The following GPATCH2 variants were observed in gnomAD, a reference collection of about 807,000 sequenced individuals.
GPATCH2 encodes G patch domain-containing protein 2.
Under a neutral mutation model 58.0 loss-of-function variants are expected in GPATCH2, and 51 were observed. The observed-to-expected ratio is 0.88, with a 90% CI of 0.70 to 1.11. GPATCH2 has a LOEUF of 1.11. Among genes scored for constraint, GPATCH2 ranks in the 50% most tolerant of loss-of-function variants. The pLI is 0.00. For synonymous variants in GPATCH2, 222 were observed against 218.5 expected (o/e 1.02, Z -0.14); for missense variants, 625 against 652.2 (o/e 0.96, Z 0.45).
At chr1:217,575,941 A>G (rs186554993) in intron 5 of GPATCH2, among the ~76,000 whole-genome samples, 46 of 152,268 alleles carry the variant, frequency 3.0e-4, no homozygotes, top group Admixed American at 2.7e-3. Context: ...ATTATCATCT[A>G]TTACTGTCCA....
chr1:217,625,694 C>G (rs1250292755), intron 1 of GPATCH2, among the ~76,000 whole-genome samples: 4 of 152,042 alleles, frequency 2.6e-5, no homozygotes, highest in African/African-American at 9.7e-5. Context: ...ATATTAAAAA[C>G]AAAAACTGGC....
rs2102812999 is a variant in GPATCH2 at position 217,609,690 on chromosome 1, A to T, written c.1098+631T>A. 4.1e-6 allele frequency: 4 copies of T among 969,898 alleles called. No individual in the cohort carries two copies. The South Asian group carries it at 1.9e-4, about 46-fold the overall frequency. The allele number at this position is 969,898 out of a possible 1,614,324, so 60.1% of individuals were successfully genotyped here. On this transcript the variant is annotated intron_variant, in intron 5 of 9. Coordinates refer to ENST00000366935, the MANE Select transcript of GPATCH2 (RefSeq NM_018040.5). ...AAATATTTTAAATAATGCTGGTTAT[A>T]TAAGACTTCTCTAAAAATGAACCAT...
intron 9 of GPATCH2, among the ~76,000 whole-genome samples, chr1:217,431,853 CA>C (rs778159359): frequency 6.6e-6 from 1 of 152,050 alleles, no homozygotes; most frequent in Non-Finnish European, 1.5e-5. Context: ...AAAACCAAAC[CA>C]AACAAAAAGC....
chr1:217,473,878 A>G (rs905979245), intron 8 of GPATCH2, among the ~76,000 whole-genome samples: 6 of 152,214 alleles, frequency 3.9e-5, no homozygotes, highest in African/African-American at 1.2e-4. Context: ...GACACCCCTC[A>G]GGAAATAAAA....
chr1:217,498,944 A>T (rs1571811660), intron 6 of GPATCH2, among the ~76,000 whole-genome samples: 2 of 152,274 alleles, frequency 1.3e-5, no homozygotes, highest in South Asian at 2.1e-4. Context: ...AAGTTCAACA[A>T]CATTAAAAAT....
chr1:217,617,546 C>A (rs554773096), intron 2 of GPATCH2, among the ~76,000 whole-genome samples: 6 of 152,090 alleles, frequency 3.9e-5, no homozygotes, highest in Non-Finnish European at 7.4e-5. Context: ...ACACACACAG[C>A]CCCCCACACT....
In GPATCH2 at chr1:217,429,509, TA is replaced by T. The variant is rs1486211773; in HGVS notation, c.*1635del. ...ACCTGAGAAAGGTCTGTTACGTGCA[TA>T]AACCTCCTTTAACACCTTTTAAAAA... On this transcript the variant is annotated 3_prime_UTR_variant, in exon 10 of 10. Coordinates refer to ENST00000366935, the MANE Select transcript of GPATCH2 (RefSeq NM_018040.5). The T allele has an allele frequency of 3.9e-5, 6 of 151,980 alleles. No homozygotes were observed. The highest frequency in any genetic ancestry group is 8.8e-5 in the Non-Finnish European group (6 of 67,984). 9.4% of individuals were successfully genotyped at this position (151,980 alleles called of 1,614,324 possible).
chr1:217,494,622 A>C (rs1175382858), intron 7 of GPATCH2, among the ~76,000 whole-genome samples: 4 of 152,064 alleles, frequency 2.6e-5, no homozygotes, highest in African/African-American at 7.2e-5. Context: ...GCCTGTAATT[A>C]ATCCCAGCTA....
chr1:217,624,470 T>C (rs1361520945), intron 1 of GPATCH2, among the ~76,000 whole-genome samples: 1 of 152,216 alleles, frequency 6.6e-6, no homozygotes, highest in Non-Finnish European at 1.5e-5. Flanking sequence ...TGAGCCAAGA[T>C]CATGCCACTG....
At chr1:217,608,936 T>C (rs1364083767) in intron 5 of GPATCH2, 3 of 984,234 alleles carry the variant, frequency 3.0e-6, no homozygotes, top group East Asian at 1.1e-4. Context: ...TCCTGTTTAA[T>C]GCATTTGCTG....
intron 5 of GPATCH2, among the ~76,000 whole-genome samples, chr1:217,521,835 G>C (rs1480015498): frequency 6.6e-6 from 1 of 152,088 alleles, no homozygotes; most frequent in East Asian, 1.9e-4. Flanking sequence ...AGAAGTACAA[G>C]GCTTGTCTTT....
intron 9 of GPATCH2, among the ~76,000 whole-genome samples, chr1:217,446,931 C>T (rs1193546544): frequency 2.6e-5 from 4 of 152,162 alleles, no homozygotes; most frequent in Non-Finnish European, 4.4e-5. Context: ...CACATATGTT[C>T]GGAGTGTTAG....
chr1:217,598,073 G>A (rs774007082), intron 5 of GPATCH2, among the ~76,000 whole-genome samples: 2 of 152,268 alleles, frequency 1.3e-5, no homozygotes, highest in Non-Finnish European at 2.9e-5. Context: ...AATATAACTA[G>A]TGGCGGAAAA....
intron 5 of GPATCH2, among the ~76,000 whole-genome samples, chr1:217,548,421 T>A (rs1235958222): frequency 6.6e-6 from 1 of 152,174 alleles, no homozygotes; most frequent in Non-Finnish European, 1.5e-5. Flanking sequence ...ATGAAAGTAA[T>A]CTTTTTGATT....
chr1:217,615,404 GA>G (rs1290656270), intron 2 of GPATCH2, among the ~76,000 whole-genome samples: 7 of 151,968 alleles, frequency 4.6e-5, no homozygotes, highest in African/African-American at 1.7e-4. Flanking sequence ...AATTGGTAAT[GA>G]AAAAATATTT....
chr1:217,556,638 T>G (rs751898883), intron 5 of GPATCH2, among the ~76,000 whole-genome samples: 20 of 152,218 alleles, frequency 1.3e-4, no homozygotes, highest in Non-Finnish European at 2.2e-4. Context: ...TTTCATCCAG[T>G]TTTATACTAT....
intron 5 of GPATCH2, among the ~76,000 whole-genome samples, chr1:217,594,513 AAAGT>A (rs1182059540): frequency 6.6e-6 from 1 of 152,126 alleles, no homozygotes; most frequent in Non-Finnish European, 1.5e-5. Context: ...GAGATATATC[AAAGT>A]AATAAAGTAA....
chr1:217,464,803 T>C (rs1468296581), intron 8 of GPATCH2, among the ~76,000 whole-genome samples: 1 of 152,178 alleles, frequency 6.6e-6, no homozygotes, highest in Admixed American at 6.5e-5. Flanking sequence ...TCCTGTCTCA[T>C]GTCTCCTTCT....
At chr1:217,439,886 C>A (rs1659053927) in intron 9 of GPATCH2, among the ~76,000 whole-genome samples, 1 of 152,140 alleles carries the variant, frequency 6.6e-6, no homozygotes, top group African/African-American at 2.4e-5. Context: ...GCCTACCAAC[C>A]AAAATAAGCC....
Sources: allele counts gnomAD v4.1 joint callset (sites outside exome capture counted in the v4.1 genomes callset), GRCh38; gene constraint gnomAD v4.1.1; transcripts MANE v1.5; gene names NCBI Gene and HGNC (gene_info 2026-07-23, HGNC 2026-07-21).